NAALADL2: variants seen among roughly 807,000 people sequenced by gnomAD.
NAALADL2 encodes inactive N-acetylated-alpha-linked acidic dipeptidase-like protein 2.
In NAALADL2, 76 loss-of-function variants were observed where a neutral mutation model predicts 87.2. The ratio of observed to expected loss-of-function variants is 0.87; its 90% CI spans 0.72 to 1.05. NAALADL2 has a LOEUF of 1.05. Among genes scored for constraint, NAALADL2 ranks in the 50% least tolerant of loss-of-function variants. The pLI is 0.00. For missense variants in NAALADL2, 1,089 were observed against 945.8 expected (o/e 1.15, Z -1.99); for synonymous variants, 354 against 331.0 (o/e 1.07, Z -0.75).
At chr3:174,877,511 C>T (rs1228926462) in intron 1 of NAALADL2, among the ~76,000 whole-genome samples, 2 of 152,030 alleles carry the variant, frequency 1.3e-5, no homozygotes, top group Non-Finnish European at 2.9e-5. Flanking sequence ...AATCCAACAA[C>T]AAAGAAAAAC....
At chr3:175,722,362 G>T (rs560489884) in intron 11 of NAALADL2, among the ~76,000 whole-genome samples, 2 of 152,042 alleles carry the variant, frequency 1.3e-5, no homozygotes, top group African/African-American at 4.8e-5. Context: ...GACAAATAAA[G>T]TTATTCCATG....
At chr3:175,499,640 G>A (rs1729273646) in intron 9 of NAALADL2, among the ~76,000 whole-genome samples, 1 of 151,970 alleles carries the variant, frequency 6.6e-6, no homozygotes, top group Non-Finnish European at 1.5e-5. Context: ...TCGGATTGGA[G>A]CCTTACGTGG....
intron 1 of NAALADL2, among the ~76,000 whole-genome samples, chr3:174,489,365 G>A (rs771431150): frequency 6.6e-6 from 1 of 151,944 alleles, no homozygotes; most frequent in Non-Finnish European, 1.5e-5. Context: ...CTGAATATAA[G>A]AGCTAAAGCT....
chr3:175,295,007 A>T (rs963854091), intron 4 of NAALADL2, among the ~76,000 whole-genome samples: 1 of 152,282 alleles, frequency 6.6e-6, no homozygotes, highest in Admixed American at 6.5e-5. Context: ...CTCATGTTTA[A>T]GATGTGAATA....
At chr3:175,149,607 A>G (rs1241067799) in intron 2 of NAALADL2, among the ~76,000 whole-genome samples, 2 of 152,110 alleles carry the variant, frequency 1.3e-5, no homozygotes, top group Non-Finnish European at 2.9e-5. Context: ...AGGATGTCAT[A>G]TATTTGAGGA....
At chr3:174,917,781 G>T (rs1356767720) in intron 1 of NAALADL2, among the ~76,000 whole-genome samples, 3 of 151,352 alleles carry the variant, frequency 2.0e-5, no homozygotes, top group Non-Finnish European at 4.4e-5. Flanking sequence ...GAATTAAAAA[G>T]AGAGAAAATC....
At chr3:174,869,534 C>T (rs377671931) in intron 1 of NAALADL2, among the ~76,000 whole-genome samples, 18 of 152,174 alleles carry the variant, frequency 1.2e-4, no homozygotes, top group African/African-American at 4.1e-4. Flanking sequence ...ATGACAAATT[C>T]GCTGGATTAC....
chr3:175,343,620 C>T lies in NAALADL2; in HGVS notation c.1090+19295C>T, dbSNP rs114630760. Among the ~76,000 whole-genome samples, 428 of 135,858 alleles carry T rather than the reference C, an allele frequency of 3.2e-3. 2 individuals are homozygous for T. Among genetic ancestry groups the T allele is most frequent in the African/African-American group, 0.011 (396 of 37,658 alleles). 89.1% of individuals were successfully genotyped at this position (135,858 alleles called of 152,430 possible). On this transcript the variant is annotated intron_variant, in intron 5 of 13. Transcript: ENST00000454872. The stretch of plus-strand genomic sequence containing the variant: ...TCATGCATTATGTGTAAGTCTTCTA[C>T]GGGTCTGCCTGGAGTTCCTGTGTGT...
At position 175,324,036 on chromosome 3, in the gene NAALADL2, A is replaced by AAAC. The variant is rs1560360765; in HGVS notation, c.940-137_940-136insCAA. 7.1e-3 allele frequency: 4,650 copies of AAAC among 653,226 alleles called. 153 individuals carry two copies. In the African/African-American group the frequency reaches 0.087, roughly 12 times the overall value. 40.5% of individuals were successfully genotyped at this position (653,226 alleles called of 1,614,324 possible). ...CCATCTCAAAAAACAAACAAAAAAA[A>AAAC]AAAAAAAGAAAAAGAAAAAGAAAAA... On this transcript the variant is annotated intron_variant, in intron 4 of 13. Coordinates refer to ENST00000454872, the MANE Select transcript of NAALADL2 (RefSeq NM_207015.3).
intron 1 of NAALADL2, among the ~76,000 whole-genome samples, chr3:174,493,018 T>C (rs1397139305): frequency 1.3e-5 from 2 of 152,216 alleles, no homozygotes; most frequent in Non-Finnish European, 2.9e-5. Flanking sequence ...TTTTTTCTTA[T>C]ACAGTGTTTT....
At chr3:175,680,797 A>G (rs193128298) in intron 11 of NAALADL2, among the ~76,000 whole-genome samples, 123 of 152,286 alleles carry the variant, frequency 8.1e-4, no homozygotes, top group African/African-American at 2.8e-3. Context: ...GTGACATACA[A>G]GTATCAGTGA....
At chr3:175,024,473 G>A (rs1751966234) in intron 1 of NAALADL2, among the ~76,000 whole-genome samples, 2 of 152,076 alleles carry the variant, frequency 1.3e-5, no homozygotes, top group Non-Finnish European at 2.9e-5. Flanking sequence ...CTGCTAGGTG[G>A]ATGATATCTT....
intron 10 of NAALADL2, among the ~76,000 whole-genome samples, chr3:175,618,141 A>G (rs1424852420): frequency 2.0e-5 from 3 of 152,166 alleles, no homozygotes; most frequent in Non-Finnish European, 4.4e-5. Flanking sequence ...GGAAATTTCA[A>G]ATACTTGAGT....
intron 3 of NAALADL2, among the ~76,000 whole-genome samples, chr3:175,254,948 A>G (rs16825123): frequency 0.057 from 8,661 of 152,280 alleles, 395 homozygotes; most frequent in East Asian, 0.21. Flanking sequence ...TGTATGAGCT[A>G]TAATCATTTT....
chr3:175,608,911 A>G (rs574200929), intron 10 of NAALADL2, among the ~76,000 whole-genome samples: 2 of 152,212 alleles, frequency 1.3e-5, no homozygotes, highest in African/African-American at 4.8e-5. Flanking sequence ...ACCAAACAAA[A>G]TAAATGCTGA....
At chr3:174,537,234 C>T (rs1721802373) in intron 1 of NAALADL2, among the ~76,000 whole-genome samples, 1 of 151,974 alleles carries the variant, frequency 6.6e-6, no homozygotes, top group African/African-American at 2.4e-5. Context: ...AAAAAGACAA[C>T]TAATTAGAAA....
chr3:175,216,266 A>C (rs1184499306), intron 2 of NAALADL2, among the ~76,000 whole-genome samples: 1 of 152,132 alleles, frequency 6.6e-6, no homozygotes, highest in Non-Finnish European at 1.5e-5. Flanking sequence ...CAGTTTTATT[A>C]ATATTAAAAC....
chr3:175,189,901 A>AGAC (rs566670094), intron 2 of NAALADL2, among the ~76,000 whole-genome samples: 9 of 152,190 alleles, frequency 5.9e-5, no homozygotes, highest in Non-Finnish European at 1.3e-4. Context: ...GAAACAAAAT[A>AGAC]GACAGTCCAG....
chr3:175,107,418 A>G (rs79968488), intron 2 of NAALADL2, among the ~76,000 whole-genome samples: 22,190 of 151,826 alleles, frequency 0.15, 1,783 homozygotes, highest in African/African-American at 0.21. Flanking sequence ...CACCTTGCAG[A>G]TTTTTGACTT....
Sources: allele counts gnomAD v4.1 joint callset (sites outside exome capture counted in the v4.1 genomes callset), GRCh38; gene constraint gnomAD v4.1.1; transcripts MANE v1.5; gene names NCBI Gene and HGNC (gene_info 2026-07-23, HGNC 2026-07-21).